MALRD1: variants seen among roughly 807,000 people sequenced by gnomAD.
The protein encoded by MALRD1 is MAM and LDL receptor class A domain containing 1.
Under a neutral mutation model 242.1 loss-of-function variants are expected in MALRD1, and 247 were observed. The observed-to-expected ratio is 1.02, with a 90% CI of 0.92 to 1.13. The LOEUF (loss-of-function observed/expected upper bound fraction) is 1.13, where lower values mean the gene tolerates loss of function less well. Ranked by LOEUF, MALRD1 falls within the 50% of genes most tolerant of loss-of-function variation. MALRD1 has a pLI of 0.00. For missense variants in MALRD1, 2,989 were observed against 2,533.1 expected (o/e 1.18, Z -3.86); for synonymous variants, 995 against 866.6 (o/e 1.15, Z -2.60).
At chr10:19,664,145 G>A (rs1342770596) in intron 36 of MALRD1, among the ~76,000 whole-genome samples, 3 of 148,390 alleles carry the variant, frequency 2.0e-5, no homozygotes, top group African/African-American at 7.5e-5. Flanking sequence ...TTTTTTTCTT[G>A]TGATCAGCTG....
chr10:19,428,762 T>G (rs930901395), intron 28 of MALRD1, among the ~76,000 whole-genome samples: 1 of 152,192 alleles, frequency 6.6e-6, no homozygotes, highest in African/African-American at 2.4e-5. Flanking sequence ...AAAGTTTACG[T>G]ATAAGTTAAT....
At chr10:19,417,638 A>G (rs115609093) in intron 28 of MALRD1, among the ~76,000 whole-genome samples, 16 of 152,298 alleles carry the variant, frequency 1.1e-4, no homozygotes, top group African/African-American at 3.6e-4. Context: ...CTCTAAAGCT[A>G]TATCTTAAGT....
intron 36 of MALRD1, among the ~76,000 whole-genome samples, chr10:19,685,049 A>G (rs151121817): frequency 4.5e-4 from 68 of 152,264 alleles, no homozygotes; most frequent in Non-Finnish European, 7.8e-4. Context: ...TGGATAACCA[A>G]TTTTTTCAAA....
intron 36 of MALRD1, among the ~76,000 whole-genome samples, chr10:19,670,804 T>G (rs889677370): frequency 6.6e-6 from 1 of 152,182 alleles, no homozygotes; most frequent in African/African-American, 2.4e-5. Context: ...CTATCCTGAT[T>G]CTTAATACAT....
intron 32 of MALRD1, among the ~76,000 whole-genome samples, chr10:19,553,489 T>C (rs1437781756): frequency 6.6e-6 from 1 of 152,132 alleles, no homozygotes; most frequent in South Asian, 2.1e-4. Flanking sequence ...GTACTGTGTT[T>C]TAAAAAATTT....
chr10:19,436,720 G>A (rs1243190326), intron 28 of MALRD1, among the ~76,000 whole-genome samples: 1 of 152,058 alleles, frequency 6.6e-6, no homozygotes, highest in Non-Finnish European at 1.5e-5. Flanking sequence ...CATTTGCATT[G>A]ATTGGTCAGA....
chr10:19,171,827 T>C (rs911436616), intron 13 of MALRD1, among the ~76,000 whole-genome samples: 3 of 144,024 alleles, frequency 2.1e-5, no homozygotes, highest in Non-Finnish European at 4.5e-5. Flanking sequence ...GTTATATATA[T>C]ACATATATAC....
chr10:19,269,037 T>G (rs1033860788), intron 19 of MALRD1, among the ~76,000 whole-genome samples: 9 of 152,192 alleles, frequency 5.9e-5, no homozygotes, highest in African/African-American at 2.2e-4. Context: ...CATTTCATCT[T>G]TTCAATTTTT....
intron 29 of MALRD1, among the ~76,000 whole-genome samples, chr10:19,464,040 C>G (rs1836091909): frequency 6.6e-6 from 1 of 152,098 alleles, no homozygotes; most frequent in Admixed American, 6.6e-5. Flanking sequence ...TGTTTATGTC[C>G]TTAGCCTACT....
rs1426844884 is a variant in MALRD1, at chr10:19,692,269, A to C, written c.6138-13A>C. ...TTCTTTTTTCCAACTATTTTATTTT[A>C]TCTCCTTTCCAGATGTAGACAAGGC... On this transcript the variant is annotated splice_polypyrimidine_tract_variant and intron_variant, in intron 36 of 39. Coordinates refer to ENST00000454679, the MANE Select transcript of MALRD1 (RefSeq NM_001142308.3). 1.3e-6 allele frequency: 2 copies of C among 1,525,800 alleles called. No individual in the cohort carries two copies. Among genetic ancestry groups the C allele is most frequent in the South Asian group, 2.4e-5 (2 of 82,598 alleles). The allele number at this position is 1,525,800 out of a possible 1,614,324, so 94.5% of individuals were successfully genotyped here.
chr10:19,178,605 A>C lies in MALRD1; in HGVS notation c.1951+3277A>C, dbSNP rs895486590. ...GATGAAAATCGCAAGTGCTACTTTG[A>C]TTTGGCCTTTAATCAAGCTTCTTCT... is the stretch of plus-strand genomic sequence containing the variant. On this transcript the variant is annotated intron_variant, in intron 14 of 39. Transcript: ENST00000454679. 2.6e-5 allele frequency among the ~76,000 whole-genome samples: 4 copies of C among 152,156 alleles called. No homozygotes were observed. In the South Asian group the frequency reaches 8.3e-4, roughly 31 times the overall value.
intron 28 of MALRD1, among the ~76,000 whole-genome samples, chr10:19,410,930 T>C (rs1292089410): frequency 6.6e-6 from 1 of 152,190 alleles, no homozygotes; most frequent in Non-Finnish European, 1.5e-5. Flanking sequence ...CTTGATAAGC[T>C]ATATGACCAT....
intron 36 of MALRD1, among the ~76,000 whole-genome samples, chr10:19,671,352 T>C (rs1386548174): frequency 6.6e-6 from 1 of 152,184 alleles, no homozygotes; most frequent in Non-Finnish European, 1.5e-5. Context: ...GCACGGTGAC[T>C]CACACCTGTA....
At chr10:19,509,484 C>A (rs573085620) in intron 31 of MALRD1, among the ~76,000 whole-genome samples, 1 of 152,218 alleles carries the variant, frequency 6.6e-6, no homozygotes, top group Admixed American at 6.5e-5. Flanking sequence ...AGGGTAATGG[C>A]CTCTTGGTTA....
intron 5 of MALRD1, among the ~76,000 whole-genome samples, chr10:19,110,390 A>G (rs1268663555): frequency 6.6e-6 from 1 of 152,250 alleles, no homozygotes; most frequent in African/African-American, 2.4e-5. Context: ...TTTAGTGCTC[A>G]GCATTTATCA....
At chr10:19,181,072 T>C (rs1372568231) in intron 14 of MALRD1, among the ~76,000 whole-genome samples, 1 of 152,204 alleles carries the variant, frequency 6.6e-6, no homozygotes, top group African/African-American at 2.4e-5. Context: ...TAACACATTT[T>C]AGTAAGAGTG....
At chr10:19,642,774 G>A (rs968564206) in intron 36 of MALRD1, among the ~76,000 whole-genome samples, 1 of 152,146 alleles carries the variant, frequency 6.6e-6, no homozygotes, top group Non-Finnish European at 1.5e-5. Flanking sequence ...AGAGCCTAGA[G>A]GGAAAGAGTC....
intron 38 of MALRD1, among the ~76,000 whole-genome samples, chr10:19,718,113 A>AGAAGAAGAG (rs1834492248): frequency 6.7e-6 from 1 of 149,496 alleles, no homozygotes; most frequent in African/African-American, 2.5e-5. Context: ...AAGAGGAAGA[A>AGAAGAAGAG]GAAGAAGAAG....
chr10:19,659,318 A>G (rs1272028178), intron 36 of MALRD1, among the ~76,000 whole-genome samples: 1 of 152,148 alleles, frequency 6.6e-6, no homozygotes, highest in African/African-American at 2.4e-5. Flanking sequence ...TAAGACTTAC[A>G]ATAGTCCTGG....
Sources: gnomAD v4.1 joint callset for allele counts (sites outside exome capture counted in the v4.1 genomes callset) on GRCh38, gnomAD v4.1.1 for gene constraint, MANE v1.5 for transcripts, NCBI Gene and HGNC (gene_info 2026-07-23, HGNC 2026-07-21) for gene names.